Variants in ACOX3 observed in about 807,000 individuals in gnomAD.
The protein encoded by ACOX3 is acyl-CoA oxidase 3, pristanoyl, also known as peroxisomal acyl-coenzyme A oxidase 3.
A neutral mutation model predicts 81.5 loss-of-function variants in ACOX3; 73 were observed. That is an observed-to-expected ratio of 0.90 (90% CI 0.74 to 1.09). The LOEUF is 1.09. Among genes scored for constraint, ACOX3 ranks in the 50% least tolerant of loss-of-function variants. The pLI is 0.00. For synonymous variants in ACOX3, 387 were observed against 375.1 expected (o/e 1.03, Z -0.37); for missense variants, 947 against 928.0 (o/e 1.02, Z -0.27).
At chr4:8,390,025 C>A (rs1318112445) in intron 11 of ACOX3, among the ~76,000 whole-genome samples, 1 of 149,866 alleles carries the variant, frequency 6.7e-6, no homozygotes, top group Admixed American at 6.7e-5. Flanking sequence ...ATCGCTTGAG[C>A]CTGGGAGGCG....
chr4:8,399,396 G>C lies in ACOX3; in HGVS notation c.873+160C>G, dbSNP rs941227999. Among the ~76,000 whole-genome samples, 9 of 152,204 alleles carry C rather than the reference G, an allele frequency of 5.9e-5. No individual in the cohort carries two copies. The highest frequency in any genetic ancestry group is 1.7e-4 in the African/African-American group (7 of 41,450). On this transcript the variant is annotated intron_variant, in intron 8 of 17. Transcript: ENST00000356406. This position sits in a 1 kb window ranked among gnomAD's most constrained non-coding sequence, Gnocchi z 4.9. ...TGGCTGCCCCAAGAGTCCCCTTCTAGCGGGAGCACCAGAACCCGAGCCAGG... is the reference window on the plus strand; with the variant it reads ...TGGCTGCCCCAAGAGTCCCCTTCTACCGGGAGCACCAGAACCCGAGCCAGG...
At position 8,400,059 on chromosome 4, in the gene ACOX3, C is replaced by T. The variant is rs1304671099; in HGVS notation, c.777-407G>A. 6.6e-6 allele frequency among the ~76,000 whole-genome samples: 1 copy of T among 152,022 alleles called. No homozygotes were observed. Among genetic ancestry groups the T allele is most frequent in the Non-Finnish European group, 1.5e-5 (1 of 68,014 alleles). ...GTCAGGAGTTCGAAACCAGCCTGAC[C>T]AATATGGTGAAACCCCGTCTCTACT... On this transcript the variant is annotated intron_variant, in intron 7 of 17. Transcript: ENST00000356406. This position sits in a 1 kb window ranked among gnomAD's most constrained non-coding sequence, Gnocchi z 4.4.
chr4:8,409,460 G>A (rs184526356), intron 6 of ACOX3, among the ~76,000 whole-genome samples: 43 of 151,842 alleles, frequency 2.8e-4, no homozygotes, highest in East Asian at 1.8e-3. Flanking sequence ...TACCATAGGC[G>A]GGGCTGTCTG....
Position 8,384,684 on chromosome 4 carries a change from T to C in ACOX3, c.1538-3077A>G, listed in dbSNP as rs1454307072. Among the ~76,000 whole-genome samples the C allele has an allele frequency of 6.6e-6, 1 of 152,168 alleles. No homozygotes were observed. The highest frequency in any genetic ancestry group is 1.5e-5 in the Non-Finnish European group (1 of 68,028). On this transcript the variant is annotated intron_variant, in intron 13 of 17. Transcript: ENST00000356406. The surrounding 1 kb of genome is among the most constrained non-coding windows in gnomAD (Gnocchi z 5.3). ...TGGTGAGCTCTTCGCATGCACTGCC[T>C]GCCTTTCGGGTCTCGGTTTCCTCTC...
chr4:8,371,983 C>A (rs1716273345), intron 16 of ACOX3, among the ~76,000 whole-genome samples: 1 of 152,222 alleles, frequency 6.6e-6, no homozygotes, highest in Admixed American at 6.5e-5. Context: ...GGATGGCTGG[C>A]AACTTCTCCA....
the ACOX3 span, among the ~76,000 whole-genome samples, chr4:8,360,216 A>G: frequency 6.6e-6 from 1 of 152,186 alleles, no homozygotes; most frequent in East Asian, 1.9e-4. Flanking sequence ...ATTTATATGT[A>G]TTATGTGTGT....
intron 7 of ACOX3, among the ~76,000 whole-genome samples, chr4:8,403,918 C>T (rs897972459): frequency 1.5e-4 from 23 of 152,240 alleles, no homozygotes; most frequent in African/African-American, 3.1e-4. Context: ...GCCATATGCC[C>T]GGGTGGAGAT....
Position 8,416,885 on chromosome 4 carries a change from C to G in ACOX3, c.-14-350G>C, listed in dbSNP as rs1722404505. On this transcript the variant is annotated intron_variant, in intron 1 of 17. Coordinates refer to ENST00000356406, the MANE Select transcript of ACOX3 (RefSeq NM_003501.3). The surrounding 1 kb of genome is among the most constrained non-coding windows in gnomAD (Gnocchi z 4.2). ...GCCCTCTTGGGAGCACCCCGGACAT[C>G]CAGACTCATCCCCAAGGCTCACTAA... 6.6e-6 allele frequency among the ~76,000 whole-genome samples: 1 copy of G among 152,218 alleles called. No individual in the cohort carries two copies. Among genetic ancestry groups the G allele is most frequent in the Admixed American group, 6.5e-5 (1 of 15,286 alleles).
At position 8,381,147 on chromosome 4, in the gene ACOX3, G is replaced by A. The variant is rs1366008126; in HGVS notation, c.1653+345C>T. The stretch of plus-strand genomic sequence containing the variant: ...AGCAGGGCGCTGGCATCACTCCCAC[G>A]AGTCAGGAGGGAGTGCTCTGAGTGC... On this transcript the variant is annotated intron_variant, in intron 14 of 17. Transcript: ENST00000356406. This position sits in a 1 kb window ranked among gnomAD's most constrained non-coding sequence, Gnocchi z 4.3. Among the ~76,000 whole-genome samples the A allele has an allele frequency of 1.3e-5, 2 of 152,190 alleles. No homozygotes were observed. Among genetic ancestry groups the A allele is most frequent in the African/African-American group, 4.8e-5 (2 of 41,434 alleles).
intron 6 of ACOX3, among the ~76,000 whole-genome samples, chr4:8,408,915 T>TGG (rs1721368051): frequency 6.2e-5 from 2 of 32,206 alleles, no homozygotes; most frequent in African/African-American, 2.9e-4. Flanking sequence ...GGGGGGGGGG[T>TGG]GGGGGCGGTC....
intron 1 of ACOX3, among the ~76,000 whole-genome samples, chr4:8,424,753 T>C (rs1723291778): frequency 6.6e-6 from 1 of 152,230 alleles, no homozygotes; most frequent in East Asian, 1.9e-4. Flanking sequence ...AAAACATAAC[T>C]GTCAACAGGT....
intron 1 of ACOX3, among the ~76,000 whole-genome samples, chr4:8,426,610 T>C (rs190988003): frequency 1.1e-3 from 161 of 149,870 alleles, no homozygotes; most frequent in African/African-American, 3.8e-3. Flanking sequence ...CAAGAGCTTC[T>C]ATGGAGAATG....
chr4:8,392,458 G>C lies in ACOX3; in HGVS notation c.1180-5C>G, dbSNP rs770614524. ...GATCTCACGTCCAAGCTCTGCCTTT[G>C]GGTGAGGGAATCCAACAAGAACAGG... On this transcript the variant is annotated splice_region_variant and splice_polypyrimidine_tract_variant and intron_variant, in intron 10 of 17. Coordinates refer to ENST00000356406, the MANE Select transcript of ACOX3 (RefSeq NM_003501.3). The C allele has an allele frequency of 7.0e-6, 11 of 1,561,720 alleles. No individual in the cohort carries two copies. The East Asian group carries it at 2.3e-4, about 33-fold the overall frequency.
chr4:8,396,419 A>G (rs1719694646), intron 9 of ACOX3, among the ~76,000 whole-genome samples: 1 of 152,172 alleles, frequency 6.6e-6, no homozygotes, highest in African/African-American at 2.4e-5. Context: ...ACTCATGCCC[A>G]TAATCCCAGC....
rs1720795844 is a variant in ACOX3 at position 8,405,129 on chromosome 4, G to A, written c.776+826C>T. On this transcript the variant is annotated intron_variant, in intron 7 of 17. Coordinates refer to ENST00000356406, the MANE Select transcript of ACOX3 (RefSeq NM_003501.3). This position sits in a 1 kb window ranked among gnomAD's most constrained non-coding sequence, Gnocchi z 7.1. ...GACACAAAGGGCCGGCTGCACATCTGTCTCATTCCAAAAGTCATGCTGCTA... is the reference window on the plus strand; with the variant it reads ...GACACAAAGGGCCGGCTGCACATCTATCTCATTCCAAAAGTCATGCTGCTA... Among the ~76,000 whole-genome samples, 1 of 152,166 alleles carries A rather than the reference G, an allele frequency of 6.6e-6. No individual in the cohort carries two copies. Among genetic ancestry groups the A allele is most frequent in the Non-Finnish European group, 1.5e-5 (1 of 68,038 alleles).
intron 15 of ACOX3, 137 bp downstream of exon 15, chr4:8,374,840 TC>T: frequency 2.1e-6 from 2 of 949,846 alleles, no homozygotes; most frequent in Non-Finnish European, 2.9e-6. Context: ...ACTGGGCTTC[TC>T]ATCTGTCCAC....
At chr4:8,377,616 G>A (rs1256835171) in intron 14 of ACOX3, among the ~76,000 whole-genome samples, 2 of 152,218 alleles carry the variant, frequency 1.3e-5, no homozygotes, top group Admixed American at 1.3e-4. Context: ...CCCAGGATTT[G>A]CCTGCATGAT....
intron 1 of ACOX3, among the ~76,000 whole-genome samples, chr4:8,420,927 C>G (rs1292145169): frequency 6.6e-6 from 1 of 152,224 alleles, no homozygotes; most frequent in Non-Finnish European, 1.5e-5. Flanking sequence ...GAGCTGAACA[C>G]TAGTCCCTGG....
intron 14 of ACOX3, among the ~76,000 whole-genome samples, chr4:8,378,187 AAAAC>A (rs1717203527): frequency 6.6e-6 from 1 of 152,214 alleles, no homozygotes; most frequent in Non-Finnish European, 1.5e-5. Context: ...TTCAGGCAAA[AAAAC>A]AAACCCCAAA....
Sources: allele counts gnomAD v4.1 joint callset (sites outside exome capture counted in the v4.1 genomes callset), GRCh38; gene constraint gnomAD v4.1.1; non-coding constraint Gnocchi (gnomAD v3.1); transcripts MANE v1.5; gene names NCBI Gene and HGNC (gene_info 2026-07-23, HGNC 2026-07-21).